Variants in NPEPPS observed in about 807,000 individuals in gnomAD.
NPEPPS encodes the protein aminopeptidase puromycin sensitive.
In NPEPPS, 14 loss-of-function variants were observed where a neutral mutation model predicts 115.5. That is an observed-to-expected ratio of 0.12 (90% CI 0.08 to 0.19). The LOEUF is 0.19. NPEPPS is among the 10% of genes least tolerant of loss of function. The pLI is 1.00. For synonymous variants in NPEPPS, 285 were observed against 390.6 expected (o/e 0.73, Z 3.19); for missense variants, 523 against 1,110.8 (o/e 0.47, Z 7.52).
At chr17:47,603,761 G>A in intron 15 of NPEPPS, 154 bp from the exon 16 acceptor site, 1 of 579,018 alleles carries the variant, frequency 1.7e-6, no homozygotes, top group Non-Finnish European at 2.9e-6. Flanking sequence ...CTGTCTTGAT[G>A]TGTTGTCTTG....
At chr17:47,575,129 A>G (rs1394161047) in intron 3 of NPEPPS, among the ~76,000 whole-genome samples, 1 of 152,226 alleles carries the variant, frequency 6.6e-6, no homozygotes, top group Non-Finnish European at 1.5e-5. Context: ...TTTGAAATTC[A>G]AATGCTATGC....
chr17:47,560,324 TCA>T (rs1473639134), intron 2 of NPEPPS, among the ~76,000 whole-genome samples: 8 of 152,204 alleles, frequency 5.3e-5, no homozygotes, highest in Non-Finnish European at 8.8e-5. Context: ...ACGAAATAGT[TCA>T]CAGTCATTTA....
intron 1 of NPEPPS, among the ~76,000 whole-genome samples, chr17:47,523,611 TG>T (rs747947840): frequency 7.7e-4 from 117 of 151,836 alleles, no homozygotes; most frequent in Non-Finnish European, 1.3e-3. Flanking sequence ...CTAGTAGAAA[TG>T]GGGTTTCACC....
At chr17:47,530,006 G>A (rs1275185772), upstream of NPEPPS, among the ~76,000 whole-genome samples, 4 of 144,080 alleles carry the variant, frequency 2.8e-5, no homozygotes, top group South Asian at 2.3e-4. Flanking sequence ...GCGCAATCTC[G>A]GCTCACTGCA....
chr17:47,618,949 T>C lies in NPEPPS; in HGVS notation c.2404-60T>C, dbSNP rs1914371959. The C allele has an allele frequency of 4.6e-6, 7 of 1,513,982 alleles. No homozygotes were observed. In the East Asian group the frequency reaches 1.4e-4, roughly 29 times the overall value. The allele number at this position is 1,513,982 out of a possible 1,614,324, so 93.8% of individuals were successfully genotyped here. ...ACTTCAGTGTCACAGTATGGTGCAC[T>C]TTCTGGTACCAGAATATGTTTTTGA... On this transcript the variant is annotated intron_variant, in intron 20 of 22. Transcript: ENST00000322157.
Position 47,601,730 on chromosome 17 carries a change from C to G in NPEPPS, c.1723C>G (p.Pro575Ala), listed in dbSNP as rs1042924116. 7.4e-6 allele frequency: 12 copies of G among 1,613,298 alleles called. No homozygotes were observed. The African/African-American group carries it at 1.6e-4, about 22-fold the overall frequency. The change falls in exon 15 of 23, where the codon CCA becomes GCA. Residue 575 changes from proline (P) to alanine (A), a missense_variant. This residue lies in a region of NPEPPS where 372 missense variants were observed against 542.6 expected (regional missense o/e 0.69). Coordinates refer to ENST00000322157, the MANE Select transcript of NPEPPS (RefSeq NM_006310.4). ...GAATGTGGTTTTGAAAAATGTCAAACCAGACCAATGGGTGAAGGTGAGTTC... is the reference window on the plus strand; with the variant it reads ...GAATGTGGTTTTGAAAAATGTCAAAGCAGACCAATGGGTGAAGGTGAGTTC... ...EMNVVLKNVK[P>A]DQWVKLNLGT...
chr17:47,565,128 T>C (rs192991932), intron 2 of NPEPPS, among the ~76,000 whole-genome samples: 3 of 152,296 alleles, frequency 2.0e-5, no homozygotes, highest in African/African-American at 4.8e-5. Flanking sequence ...CAAGCAAATA[T>C]GTGATGTAAA....
At chr17:47,597,415 A>G (rs1912945213) in intron 13 of NPEPPS, among the ~76,000 whole-genome samples, 1 of 152,206 alleles carries the variant, frequency 6.6e-6, no homozygotes, top group African/African-American at 2.4e-5. Context: ...TGTGAGCTGC[A>G]TGGGGAATTA....
intron 1 of NPEPPS, among the ~76,000 whole-genome samples, chr17:47,537,022 A>G: frequency 6.6e-6 from 1 of 152,024 alleles, no homozygotes; most frequent in East Asian, 1.9e-4. Context: ...CATTTTCTGC[A>G]TATTTTCTAT....
Position 47,622,643 on chromosome 17 carries a change from T to C in NPEPPS, c.*723T>C, listed in dbSNP as rs551244423. ...CCCAACCCCCATTCCCTGGTGTCCT[T>C]CTTAGAGATGAAGAAATAATAAGGA... On this transcript the variant is annotated 3_prime_UTR_variant, in exon 23 of 23. Transcript: ENST00000322157. 1.9e-5 allele frequency: 6 copies of C among 315,190 alleles called. No homozygotes were observed. The East Asian group carries it at 5.5e-4, about 29-fold the overall frequency. 19.5% of individuals were successfully genotyped at this position (315,190 alleles called of 1,614,324 possible).
chr17:47,530,223 G>A (rs1907639166), upstream of NPEPPS, among the ~76,000 whole-genome samples: 2 of 149,322 alleles, frequency 1.3e-5, no homozygotes. Context: ...GATTACAGGC[G>A]TGAGCCACCG....
chr17:47,601,796 A>G, intron 15 of NPEPPS, 49 bp downstream of exon 15: 1 of 1,559,058 alleles, frequency 6.4e-7, no homozygotes, highest in Non-Finnish European at 8.7e-7. Context: ...TATACATTTT[A>G]TGGCCGGTTT....
At chr17:47,542,162 A>G (rs1380384071) in intron 1 of NPEPPS, among the ~76,000 whole-genome samples, 1 of 152,184 alleles carries the variant, frequency 6.6e-6, no homozygotes, top group Non-Finnish European at 1.5e-5. Flanking sequence ...TGTTTGGTCT[A>G]TACAGTGTTT....
At chr17:47,600,118 A>G (rs991367326) in intron 14 of NPEPPS, among the ~76,000 whole-genome samples, 11 of 152,098 alleles carry the variant, frequency 7.2e-5, no homozygotes, top group African/African-American at 2.7e-4. Flanking sequence ...GTGCCCAGCC[A>G]TAGAATTACT....
chr17:47,529,737 T>TTA (rs56043348), upstream of NPEPPS, among the ~76,000 whole-genome samples: 80 of 25,662 alleles, frequency 3.1e-3, 8 homozygotes, highest in African/African-American at 6.2e-3. Context: ...TTCAGTTACA[T>TTA]TATATATATA....
intron 1 of NPEPPS, among the ~76,000 whole-genome samples, chr17:47,532,558 CA>C (rs923182769): frequency 1.4e-5 from 2 of 147,768 alleles, no homozygotes; most frequent in Non-Finnish European, 3.0e-5. Flanking sequence ...GGGGCTAAGG[CA>C]GGAGAATCAC....
intron 2 of NPEPPS, among the ~76,000 whole-genome samples, chr17:47,554,747 CATT>C (rs1909888997): frequency 6.6e-6 from 1 of 152,112 alleles, no homozygotes; most frequent in African/African-American, 2.4e-5. Context: ...GCTTTGAGGC[CATT>C]ATTAAGTACA....
chr17:47,567,692 C>G (rs1477773968), intron 2 of NPEPPS, among the ~76,000 whole-genome samples: 1 of 152,040 alleles, frequency 6.6e-6, no homozygotes, highest in Non-Finnish European at 1.5e-5. Context: ...AGTACCCTGC[C>G]TATTTCCCCT....
chr17:47,550,032 T>G (rs1238097433), intron 2 of NPEPPS, among the ~76,000 whole-genome samples: 1 of 149,784 alleles, frequency 6.7e-6, no homozygotes, highest in Non-Finnish European at 1.5e-5. Context: ...CCTCCCGGGT[T>G]CACGCCATTC....
Sources: allele counts gnomAD v4.1 joint callset (sites outside exome capture counted in the v4.1 genomes callset), GRCh38; gene constraint gnomAD v4.1.1; regional missense constraint gnomAD v4.1.1; transcripts MANE v1.5; gene names NCBI Gene and HGNC (gene_info 2026-07-23, HGNC 2026-07-21).